The following PITPNM3 variants were observed in gnomAD, a reference collection of about 807,000 sequenced individuals.
PITPNM3 encodes the protein PITPNM family member 3, also known as membrane-associated phosphatidylinositol transfer protein 3.
PITPNM3 carries 26 observed loss-of-function variants against 102.0 expected under a neutral mutation model. That is an observed-to-expected ratio of 0.25 (90% CI 0.19 to 0.35). PITPNM3 has a LOEUF of 0.35. Among genes scored for constraint, PITPNM3 ranks in the 10% least tolerant of loss-of-function variants. The probability of loss-of-function intolerance (pLI) is 1.00; values close to 1 mark genes in which losing one functional copy is unlikely to be tolerated. For synonymous variants in PITPNM3, 578 were observed against 558.6 expected (o/e 1.03, Z -0.49); for missense variants, 1,083 against 1,346.1 (o/e 0.80, Z 3.06).
intron 2 of PITPNM3, among the ~76,000 whole-genome samples, chr17:6,536,411 G>C (rs1265898322): frequency 6.6e-6 from 1 of 152,236 alleles, no homozygotes; most frequent in African/African-American, 2.4e-5. Flanking sequence ...TGAAGCTGTT[G>C]TTGTCTCACT....
At position 6,537,184 on chromosome 17, in the gene PITPNM3, C is replaced by CT. The variant is rs1349679099; in HGVS notation, c.118+802dup. Among the ~76,000 whole-genome samples the CT allele has an allele frequency of 6.6e-6, 1 of 152,054 alleles. No homozygotes were observed. The highest frequency in any genetic ancestry group is 6.5e-5 in the Admixed American group (1 of 15,268). On this transcript the variant is annotated intron_variant, in intron 2 of 19. Transcript: ENST00000262483. The surrounding 1 kb of genome is among the most constrained non-coding windows in gnomAD (Gnocchi z 4.4). ...TTTCCCCACCCTCCTTGTCCCTCAC[C>CT]TGAACACTGGCAACAGTCTTTCTAA...
chr17:6,539,571 A>T (rs953009377), intron 1 of PITPNM3, among the ~76,000 whole-genome samples: 4 of 152,216 alleles, frequency 2.6e-5, no homozygotes, highest in Admixed American at 2.6e-4. Flanking sequence ...AAATGAACTG[A>T]AATTTGAAAA....
intron 3 of PITPNM3, among the ~76,000 whole-genome samples, chr17:6,510,659 T>A (rs888740352): frequency 2.6e-5 from 4 of 152,130 alleles, no homozygotes; most frequent in Non-Finnish European, 4.4e-5. Flanking sequence ...AATGTATGAG[T>A]GCACAGTGAG....
chr17:6,468,348 A>C lies in PITPNM3; in HGVS notation c.1774-7T>G. The stretch of plus-strand genomic sequence containing the variant: ...CGCTCTCATAGCGCATTACCTAGCC[A>C]AGAGCCGAGCAGGGCCCCGGTCAGG... On this transcript the variant is annotated splice_polypyrimidine_tract_variant and splice_region_variant and intron_variant, in intron 13 of 19. Transcript: ENST00000262483. The surrounding 1 kb of genome is among the most constrained non-coding windows in gnomAD (Gnocchi z 5.2). 1 of 1,613,926 alleles carries C rather than the reference A, an allele frequency of 6.2e-7. No individual in the cohort carries two copies. Among genetic ancestry groups the C allele is most frequent in the Non-Finnish European group, 8.5e-7 (1 of 1,179,876 alleles).
At chr17:6,460,911 T>G in intron 18 of PITPNM3, 1 of 251,274 alleles carries the variant, frequency 4.0e-6, no homozygotes. Context: ...TTCTCCCGAG[T>G]TTCCGAGTTT....
At chr17:6,550,145 C>A (rs1244796382) in intron 1 of PITPNM3, among the ~76,000 whole-genome samples, 6 of 152,220 alleles carry the variant, frequency 3.9e-5, no homozygotes. Context: ...AGTTCAAGGT[C>A]AACCAGTGCC....
rs59210645 is a variant in PITPNM3 at position 6,517,564 on chromosome 17, ATT to A, written c.226+7790_226+7791del. 2.0e-5 allele frequency among the ~76,000 whole-genome samples: 3 copies of A among 147,106 alleles called. No individual in the cohort carries two copies. Among genetic ancestry groups the A allele is most frequent in the African/African-American group, 7.4e-5 (3 of 40,502 alleles). On this transcript the variant is annotated intron_variant, in intron 3 of 19. Coordinates refer to ENST00000262483, the MANE Select transcript of PITPNM3 (RefSeq NM_031220.4). The surrounding 1 kb of genome is among the most constrained non-coding windows in gnomAD (Gnocchi z 4.1). ...TAGAAAATGCCAGTTTTTATTTTTA[ATT>A]TTTTTTTTTTTGAGACAGGGGCTCA...
intron 4 of PITPNM3, among the ~76,000 whole-genome samples, chr17:6,488,174 T>G (rs1216746247): frequency 1.1e-4 from 17 of 152,156 alleles, no homozygotes; most frequent in Admixed American, 1.1e-3. Flanking sequence ...TCCCCACAGG[T>G]CTCTGCTCTT....
Position 6,479,179 on chromosome 17 carries a change from G to A in PITPNM3, c.588-443C>T, listed in dbSNP as rs143497468. 287 of 181,962 alleles carry A rather than the reference G, an allele frequency of 1.6e-3. 1 individual carries two copies. The highest frequency in any genetic ancestry group is 6.1e-3 in the African/African-American group (260 of 42,932). 11.3% of individuals were successfully genotyped at this position (181,962 alleles called of 1,614,324 possible). Reference sequence around the variant, plus strand: ...CTTTGGAGAAGCTGGGAAAGGAGGAGAGAGGACATGCCAGGCTTGGGGTTC... The same window carrying A: ...CTTTGGAGAAGCTGGGAAAGGAGGAAAGAGGACATGCCAGGCTTGGGGTTC... On this transcript the variant is annotated intron_variant, in intron 6 of 19. Coordinates refer to ENST00000262483, the MANE Select transcript of PITPNM3 (RefSeq NM_031220.4).
rs1913961187 is a variant in PITPNM3, at chr17:6,453,632, ACC to A, written c.*1704_*1705del. ...GCAGGGATGGGGGTTAGGAGCCCAG[ACC>A]CCTCCAGCCCCAGGAGGGCACCCAA... On this transcript the variant is annotated 3_prime_UTR_variant, in exon 20 of 20. Transcript: ENST00000262483. 6.6e-6 allele frequency: 1 copy of A among 152,156 alleles called. No individual in the cohort carries two copies. The highest frequency in any genetic ancestry group is 1.5e-5 in the Non-Finnish European group (1 of 68,118). The allele number at this position is 152,156 out of a possible 1,614,324, so 9.4% of individuals were successfully genotyped here.
chr17:6,519,550 C>T (rs1017542645), intron 3 of PITPNM3, among the ~76,000 whole-genome samples: 8 of 150,286 alleles, frequency 5.3e-5, no homozygotes, highest in Admixed American at 2.0e-4. Context: ...GTAAACAAGG[C>T]TGGATGCAGT....
At position 6,472,680 on chromosome 17, in the gene PITPNM3, C is replaced by T; in HGVS notation, c.1406G>A (p.Gly469Asp). 1 of 1,613,534 alleles carries T rather than the reference C, an allele frequency of 6.2e-7. No homozygotes were observed. The highest frequency in any genetic ancestry group is 1.1e-5 in the South Asian group (1 of 91,022). Residue 469 changes from glycine to aspartate, a missense_variant, in exon 11 of 20, where the codon GGC becomes GAC. Coordinates refer to ENST00000262483, the MANE Select transcript of PITPNM3 (RefSeq NM_031220.4). The surrounding 1 kb of genome is among the most constrained non-coding windows in gnomAD (Gnocchi z 4.1). Reference sequence around the variant, plus strand: ...ACCGAGGAGGAGGGACTGCCCATCGCCCAGTGGGAACCTCTGGTAGCGAGG... The same window carrying T: ...ACCGAGGAGGAGGGACTGCCCATCGTCCAGTGGGAACCTCTGGTAGCGAGG... ...SVPRYQRFPLGDGQSLLLADA... is the reference protein window; with the variant it reads ...SVPRYQRFPLDDGQSLLLADA...
intron 9 of PITPNM3, among the ~76,000 whole-genome samples, chr17:6,475,227 T>G (rs1190750866): frequency 6.6e-6 from 1 of 152,068 alleles, no homozygotes; most frequent in Non-Finnish European, 1.5e-5. Context: ...AGCCCACAGA[T>G]GAAGCAGAGC....
rs772194476 is a variant in PITPNM3 at position 6,477,023 on chromosome 17, G to C, written c.1085+6C>G. On this transcript the variant is annotated splice_donor_region_variant and intron_variant, in intron 9 of 19. Coordinates refer to ENST00000262483, the MANE Select transcript of PITPNM3 (RefSeq NM_031220.4). ...GTCTTCTTGCTTCTGGACAGGGAGG[G>C]GCTACCTTGAGAGGAAGGCATGGTG... is the stretch of plus-strand genomic sequence containing the variant. The C allele has an allele frequency of 6.2e-7, 1 of 1,613,954 alleles. No individual in the cohort carries two copies. The highest frequency in any genetic ancestry group is 8.5e-7 in the Non-Finnish European group (1 of 1,179,984).
chr17:6,504,032 T>C lies in PITPNM3; in HGVS notation c.227-458A>G, dbSNP rs182087950. Among the ~76,000 whole-genome samples, 53 of 152,176 alleles carry C rather than the reference T, an allele frequency of 3.5e-4. No individual in the cohort carries two copies. The East Asian group carries it at 0.01, about 29-fold the overall frequency. The stretch of plus-strand genomic sequence containing the variant: ...CCCACTGCCCCCCAGACGTCTTCTG[T>C]GGCCACTCCCAAACACTGCACACTC... On this transcript the variant is annotated intron_variant, in intron 3 of 19. Coordinates refer to ENST00000262483, the MANE Select transcript of PITPNM3 (RefSeq NM_031220.4).
At chr17:6,494,495 G>A (rs957557734) in intron 4 of PITPNM3, among the ~76,000 whole-genome samples, 1 of 152,368 alleles carries the variant, frequency 6.6e-6, no homozygotes, top group South Asian at 2.1e-4. Flanking sequence ...CACCTGCACA[G>A]TAACCCCTGC....
At chr17:6,466,571 A>G (rs1377208536) in intron 14 of PITPNM3, among the ~76,000 whole-genome samples, 2 of 152,238 alleles carry the variant, frequency 1.3e-5, no homozygotes, top group African/African-American at 4.8e-5. Flanking sequence ...CGGGATGACT[A>G]GAATCAAACA....
At chr17:6,518,951 G>A (rs1180622065) in intron 3 of PITPNM3, among the ~76,000 whole-genome samples, 1 of 152,146 alleles carries the variant, frequency 6.6e-6, no homozygotes, top group African/African-American at 2.4e-5. Context: ...GCCCGCTACC[G>A]CTTGTCACTC....
rs1371055338 is a variant in PITPNM3 at position 6,458,827 on chromosome 17, T to C, written c.2491-1105A>G. 6.6e-6 allele frequency among the ~76,000 whole-genome samples: 1 copy of C among 151,954 alleles called. No homozygotes were observed. ...CCAAATCTCAGCCCTGGAAATTTTT[T>C]CCACTATCCACCTTGTGTTTTTGTA... On this transcript the variant is annotated intron_variant, in intron 18 of 19. Transcript: ENST00000262483. This position sits in a 1 kb window ranked among gnomAD's most constrained non-coding sequence, Gnocchi z 5.1.
Sources: allele counts gnomAD v4.1 joint callset (sites outside exome capture counted in the v4.1 genomes callset), GRCh38; gene constraint gnomAD v4.1.1; non-coding constraint Gnocchi (gnomAD v3.1); transcripts MANE v1.5; gene names NCBI Gene and HGNC (gene_info 2026-07-23, HGNC 2026-07-21).